Variants in MAF observed in about 807,000 individuals in gnomAD.
The protein encoded by MAF is MAF bZIP transcription factor.
MAF carries 10 observed loss-of-function variants against 22.0 expected under a neutral mutation model. The observed-to-expected ratio is 0.45, with a 90% CI of 0.28 to 0.77. The LOEUF is 0.77. MAF is among the 30% of genes least tolerant of loss of function. The probability of loss-of-function intolerance (pLI) is 0.12; values close to 1 mark genes in which losing one functional copy is unlikely to be tolerated. For missense variants in MAF, 544 were observed against 548.4 expected, an observed-to-expected ratio of 0.99 and a Z score of 0.08; for synonymous variants, 337 against 255.8, an observed-to-expected ratio of 1.32 and a Z score of -3.03.
At chr16:79,449,822 G>C in the MAF span, among the ~76,000 whole-genome samples, 3 of 152,148 alleles carry the variant, frequency 2.0e-5, no homozygotes, top group Non-Finnish European at 4.4e-5. Context: ...GATCCCCCAG[G>C]TAACTCTAGA....
the MAF span, among the ~76,000 whole-genome samples, chr16:79,445,175 A>C: frequency 3.3e-5 from 5 of 151,072 alleles, no homozygotes; most frequent in East Asian, 7.8e-4. Flanking sequence ...CTGGAACTAC[A>C]GGCACCTGCC....
the MAF span, among the ~76,000 whole-genome samples, chr16:79,223,599 A>G: frequency 1.3e-5 from 2 of 152,136 alleles, no homozygotes; most frequent in Non-Finnish European, 2.9e-5. Context: ...AAGATCAACA[A>G]AATACACCAC....
the MAF span, among the ~76,000 whole-genome samples, chr16:79,328,281 CTT>C: frequency 1.5e-4 from 23 of 151,056 alleles, no homozygotes; most frequent in South Asian, 4.8e-3. Flanking sequence ...ATCAGAGCTC[CTT>C]TTTTTTTAAA....
the MAF span, among the ~76,000 whole-genome samples, chr16:79,395,063 T>G: frequency 6.6e-6 from 1 of 152,174 alleles, no homozygotes; most frequent in South Asian, 2.1e-4. Flanking sequence ...CAGGAATTGT[T>G]CTAGATCAAG....
the MAF span, among the ~76,000 whole-genome samples, chr16:79,486,259 A>T: frequency 2.0e-5 from 3 of 152,204 alleles, no homozygotes; most frequent in South Asian, 4.1e-4. Flanking sequence ...CCAAATTAGT[A>T]GCTGCAGAAT....
At chr16:79,588,955 G>T (rs1222084669), downstream of MAF, among the ~76,000 whole-genome samples, 5 of 152,032 alleles carry the variant, frequency 3.3e-5, no homozygotes, top group African/African-American at 1.2e-4. Context: ...GGGTTTTTCC[G>T]CCTTCTATGA....
chr16:79,225,273 A>G, the MAF span, among the ~76,000 whole-genome samples: 1 of 152,234 alleles, frequency 6.6e-6, no homozygotes, highest in African/African-American at 2.4e-5. Flanking sequence ...AGAATTCCCT[A>G]TTTGATAAAT....
At chr16:79,365,128 T>TAGG in the MAF span, among the ~76,000 whole-genome samples, 2 of 152,220 alleles carry the variant, frequency 1.3e-5, no homozygotes, top group Admixed American at 1.3e-4. Context: ...TTTACTAGTA[T>TAGG]AGGAGCCCAA....
the MAF span, among the ~76,000 whole-genome samples, chr16:79,519,928 G>T: frequency 2.0e-5 from 3 of 152,224 alleles, no homozygotes; most frequent in African/African-American, 7.2e-5. Flanking sequence ...CCGGGACAGC[G>T]CATGTTTGTC....
chr16:79,412,309 G>C, the MAF span, among the ~76,000 whole-genome samples: 1 of 152,190 alleles, frequency 6.6e-6, no homozygotes, highest in African/African-American at 2.4e-5. Context: ...CGTGGTACCA[G>C]GTATGTGCAG....
At chr16:79,487,196 T>G in the MAF span, among the ~76,000 whole-genome samples, 329 of 136,692 alleles carry the variant, frequency 2.4e-3, no homozygotes, top group Non-Finnish European at 3.9e-3. Flanking sequence ...TCTCTAATGA[T>G]GAACTAGTGC....
the MAF span, among the ~76,000 whole-genome samples, chr16:79,307,064 G>C: frequency 6.6e-6 from 1 of 152,206 alleles, no homozygotes. Flanking sequence ...GGGTATGTTT[G>C]CAAAATGGAT....
At chr16:79,330,644 T>C in the MAF span, among the ~76,000 whole-genome samples, 1 of 152,164 alleles carries the variant, frequency 6.6e-6, no homozygotes, top group Non-Finnish European at 1.5e-5. Flanking sequence ...CTGTTAGTGA[T>C]CAAAGGGAGA....
chr16:79,340,867 A>T, the MAF span, among the ~76,000 whole-genome samples: 1 of 152,148 alleles, frequency 6.6e-6, no homozygotes, highest in African/African-American at 2.4e-5. Flanking sequence ...CTATTCAACC[A>T]TTAGGCAAAT....
chr16:79,580,059 C>A, the MAF span, among the ~76,000 whole-genome samples: 7 of 152,070 alleles, frequency 4.6e-5, no homozygotes, highest in Admixed American at 4.6e-4. Flanking sequence ...CTTATTATTT[C>A]CCCCCTCTCT....
chr16:79,476,432 T>C, the MAF span, among the ~76,000 whole-genome samples: 1 of 152,256 alleles, frequency 6.6e-6, no homozygotes, highest in Non-Finnish European at 1.5e-5. Flanking sequence ...TTTAAATTTT[T>C]CTGCAATAGA....
the MAF span, among the ~76,000 whole-genome samples, chr16:79,354,345 C>G: frequency 2.0e-5 from 3 of 152,066 alleles, no homozygotes; most frequent in Non-Finnish European, 2.9e-5. Context: ...GAGAGGAACA[C>G]ACGAGATGGT....
At chr16:79,242,197 C>T in the MAF span, among the ~76,000 whole-genome samples, 2 of 151,778 alleles carry the variant, frequency 1.3e-5, no homozygotes, top group African/African-American at 4.8e-5. Flanking sequence ...CAGTATTAAC[C>T]TTAAATGTAA....
chr16:79,428,381 C>T, the MAF span, among the ~76,000 whole-genome samples: 1 of 152,078 alleles, frequency 6.6e-6, no homozygotes, highest in African/African-American at 2.4e-5. Flanking sequence ...TCTAGCTGAC[C>T]CCCACCTCAA....
Sources: allele counts gnomAD v4.1 joint callset (sites outside exome capture counted in the v4.1 genomes callset), GRCh38; gene constraint gnomAD v4.1.1; transcripts MANE v1.5; gene names NCBI Gene and HGNC (gene_info 2026-07-23, HGNC 2026-07-21).